The following GABRG3 variants were observed in gnomAD, a reference collection of about 807,000 sequenced individuals.
GABRG3 encodes the protein gamma-aminobutyric acid type A receptor subunit gamma3.
A neutral mutation model predicts 48.8 loss-of-function variants in GABRG3; 25 were observed. That is an observed-to-expected ratio of 0.51 (90% CI 0.37 to 0.72). The LOEUF is 0.72. Ranked by LOEUF, GABRG3 falls within the 30% of genes least tolerant of loss-of-function variation. The probability of loss-of-function intolerance (pLI) is 0.00; values close to 1 mark genes in which losing one functional copy is unlikely to be tolerated. For synonymous variants in GABRG3, 227 were observed against 217.6 expected (o/e 1.04, Z -0.38); for missense variants, 394 against 577.9 (o/e 0.68, Z 3.26).
In GABRG3 at chr15:27,518,369, C is replaced by CA. The variant is rs3058095; in HGVS notation, c.713-1590dup. ...GGGTGACAAGAGTGAAACTCTGTCTCAAAAAAAAAAAAATGGGACATCAGT... is the reference window on the plus strand; with the variant it reads ...GGGTGACAAGAGTGAAACTCTGTCTCAAAAAAAAAAAAAATGGGACATCAGT... On this transcript the variant is annotated intron_variant, in intron 6 of 9. Coordinates refer to ENST00000615808, the MANE Select transcript of GABRG3 (RefSeq NM_033223.5). Among the ~76,000 whole-genome samples the CA allele has an allele frequency of 1.5e-3, 195 of 126,848 alleles. 2 individuals are homozygous for CA. The highest frequency in any genetic ancestry group is 2.4e-3 in the Admixed American group (29 of 12,338). The allele number at this position is 126,848 out of a possible 152,430, so 83.2% of individuals were successfully genotyped here.
At chr15:27,469,471 G>A (rs1180310227) in intron 5 of GABRG3, among the ~76,000 whole-genome samples, 3 of 151,996 alleles carry the variant, frequency 2.0e-5, no homozygotes, top group Admixed American at 6.5e-5. Context: ...CTCCCAAGTA[G>A]CTGGGATTAT....
chr15:27,192,164 C>T (rs1022121294), intron 3 of GABRG3, among the ~76,000 whole-genome samples: 27 of 151,482 alleles, frequency 1.8e-4, no homozygotes, highest in African/African-American at 6.5e-4. Flanking sequence ...AACATTTTTT[C>T]CTTCATTTCA....
rs565039375 is a variant in GABRG3 at position 27,380,867 on chromosome 15, G to A, written c.574+51979G>A. On this transcript the variant is annotated intron_variant, in intron 5 of 9. Coordinates refer to ENST00000615808, the MANE Select transcript of GABRG3 (RefSeq NM_033223.5). Reference sequence around the variant, plus strand: ...TGCAAGCTCTGCCTCCTGGGTTCACGCCATTCTCCTGCCTCAGCCTCCCGA... The same window carrying A: ...TGCAAGCTCTGCCTCCTGGGTTCACACCATTCTCCTGCCTCAGCCTCCCGA... 6.0e-3 allele frequency among the ~76,000 whole-genome samples: 899 copies of A among 149,866 alleles called. 3 individuals are homozygous for A. The highest frequency in any genetic ancestry group is 7.8e-3 in the Non-Finnish European group (526 of 67,626).
At chr15:27,258,433 C>T (rs560790324) in intron 3 of GABRG3, among the ~76,000 whole-genome samples, 3 of 152,128 alleles carry the variant, frequency 2.0e-5, no homozygotes, top group South Asian at 2.1e-4. Flanking sequence ...ATGCAGCATG[C>T]GGGACCATTT....
intron 5 of GABRG3, among the ~76,000 whole-genome samples, chr15:27,429,303 A>G (rs1488442156): frequency 6.6e-6 from 1 of 152,154 alleles, no homozygotes; most frequent in Non-Finnish European, 1.5e-5. Context: ...TATATTCATG[A>G]TTGACCTTGG....
At position 27,399,162 on chromosome 15, in the gene GABRG3, C is replaced by A. The variant is rs1299924346; in HGVS notation, c.574+70274C>A. 4.6e-5 allele frequency among the ~76,000 whole-genome samples: 7 copies of A among 152,262 alleles called. No individual in the cohort carries two copies. The East Asian group carries it at 7.7e-4, about 17-fold the overall frequency. On this transcript the variant is annotated intron_variant, in intron 5 of 9. Coordinates refer to ENST00000615808, the MANE Select transcript of GABRG3 (RefSeq NM_033223.5). ...ATCAGCTAAAATATGTTATTTATTA[C>A]CTAAAATTATAGTAAGTTGATTTAT...
At chr15:27,034,679 C>T (rs1211680500) in intron 3 of GABRG3, among the ~76,000 whole-genome samples, 1 of 152,188 alleles carries the variant, frequency 6.6e-6, no homozygotes, top group Non-Finnish European at 1.5e-5. Context: ...GGCAGATGCC[C>T]ATGAGCCCTG....
chr15:27,127,255 G>A (rs1398958557), intron 3 of GABRG3, among the ~76,000 whole-genome samples: 5 of 151,912 alleles, frequency 3.3e-5, no homozygotes, highest in African/African-American at 7.3e-5. Flanking sequence ...TATATAGAAT[G>A]GAATATGATT....
At chr15:27,264,615 TA>T (rs35662612) in intron 3 of GABRG3, among the ~76,000 whole-genome samples, 17,050 of 145,310 alleles carry the variant, frequency 0.12, 1,699 homozygotes, top group African/African-American at 0.28. Context: ...CAAACCAGCT[TA>T]AAAAAAAAAA....
chr15:27,069,378 C>T (rs1179422497), intron 3 of GABRG3, among the ~76,000 whole-genome samples: 1 of 152,224 alleles, frequency 6.6e-6, no homozygotes, highest in Non-Finnish European at 1.5e-5. Flanking sequence ...CTCTCTGTGT[C>T]TCCTGTCTCA....
At chr15:27,483,514 A>G (rs949861914) in intron 6 of GABRG3, among the ~76,000 whole-genome samples, 3 of 152,252 alleles carry the variant, frequency 2.0e-5, no homozygotes, top group South Asian at 4.1e-4. Flanking sequence ...AGGTGAATAC[A>G]ATTTAACCCG....
At chr15:27,390,204 TTC>T (rs1896179017) in intron 5 of GABRG3, among the ~76,000 whole-genome samples, 1 of 152,222 alleles carries the variant, frequency 6.6e-6, no homozygotes, top group Non-Finnish European at 1.5e-5. Flanking sequence ...TTGATTTTGC[TTC>T]TTTCGTATAT....
At chr15:27,418,948 G>A (rs1296073316) in intron 5 of GABRG3, 1 of 152,230 alleles carries the variant, frequency 6.6e-6, no homozygotes, top group Non-Finnish European at 1.5e-5. Context: ...AAGCTAGGCA[G>A]GCTGGCAGCT....
chr15:27,229,423 C>A (rs1889727363), intron 3 of GABRG3, among the ~76,000 whole-genome samples: 1 of 151,370 alleles, frequency 6.6e-6, no homozygotes, highest in Non-Finnish European at 1.5e-5. Flanking sequence ...GCTCTCTATT[C>A]TGTTTCATTG....
Position 27,306,997 on chromosome 15 carries a change from T to TATAAACATATATAAA in GABRG3, c.271-19804_271-19803insATATAAAATAAACAT, listed in dbSNP as rs1461043161. Among the ~76,000 whole-genome samples the TATAAACATATATAAA allele has an allele frequency of 9.3e-4, 107 of 114,942 alleles. 17 individuals carry two copies. The highest frequency in any genetic ancestry group is 4.2e-3 in the African/African-American group (101 of 23,848). 75.4% of individuals were successfully genotyped at this position (114,942 alleles called of 152,430 possible). A position where few individuals can be genotyped will look rare whatever the true frequency, so the allele number is the denominator to read the frequency against. On this transcript the variant is annotated intron_variant, in intron 3 of 9. Coordinates refer to ENST00000615808, the MANE Select transcript of GABRG3 (RefSeq NM_033223.5). ...CATATATAATATAAACATGTTTATA[T>TATAAACATATATAAA]ATAAACATGTATAAACATGTTTATA...
chr15:27,177,263 A>G (rs548030204), intron 3 of GABRG3, among the ~76,000 whole-genome samples: 1 of 152,338 alleles, frequency 6.6e-6, no homozygotes, highest in South Asian at 2.1e-4. Context: ...GGTTGCCACA[A>G]TGCAAAAGTC....
At chr15:27,355,476 AC>A (rs1894804420) in intron 5 of GABRG3, among the ~76,000 whole-genome samples, 1 of 152,200 alleles carries the variant, frequency 6.6e-6, no homozygotes, top group African/African-American at 2.4e-5. Context: ...AGATACCATA[AC>A]AACAAGTGTT....
intron 3 of GABRG3, among the ~76,000 whole-genome samples, chr15:27,310,599 T>G (rs1892962251): frequency 6.6e-6 from 1 of 152,148 alleles, no homozygotes; most frequent in African/African-American, 2.4e-5. Context: ...TTTCAATGGT[T>G]TTTATTTTTT....
rs571610730 is a variant in GABRG3, at chr15:27,284,481, T to C, written c.271-42328T>C. 2.0e-4 allele frequency among the ~76,000 whole-genome samples: 31 copies of C among 152,328 alleles called. No homozygotes were observed. The South Asian group carries it at 2.9e-3, about 14-fold the overall frequency. ...TAAGAATACCACGACATTTTCTGTG[T>C]GTAACCTACATTTCTGTGTCTCACA... On this transcript the variant is annotated intron_variant, in intron 3 of 9. Coordinates refer to ENST00000615808, the MANE Select transcript of GABRG3 (RefSeq NM_033223.5).
Sources: gnomAD v4.1 joint callset for allele counts (sites outside exome capture counted in the v4.1 genomes callset) on GRCh38, gnomAD v4.1.1 for gene constraint, MANE v1.5 for transcripts, NCBI Gene and HGNC (gene_info 2026-07-23, HGNC 2026-07-21) for gene names.